The following NUP54 variants were observed in gnomAD, a reference collection of about 807,000 sequenced individuals.
NUP54 encodes the protein nucleoporin 54.
Under a neutral mutation model 66.4 loss-of-function variants are expected in NUP54, and 27 were observed. The observed-to-expected ratio is 0.41, with a 90% CI of 0.30 to 0.56. The LOEUF is 0.56. Among genes scored for constraint, NUP54 ranks in the 20% least tolerant of loss-of-function variants. NUP54 has a pLI of 0.34. For missense variants in NUP54, 486 were observed against 596.3 expected (o/e 0.82, Z 1.93); for synonymous variants, 206 against 210.7 (o/e 0.98, Z 0.19).
Position 76,130,702 on chromosome 4 carries a change from A to G in NUP54, c.1010T>C (p.Leu337Pro). 6.2e-7 allele frequency: 1 copy of G among 1,613,818 alleles called. No individual in the cohort carries two copies. Among genetic ancestry groups the G allele is most frequent in the Non-Finnish European group, 8.5e-7 (1 of 1,179,840 alleles). ...CTTAGTCATCTGATCTTGAACCTTC[A>G]GTCTTCGGAGAAGTTCCTTAAAACC... Reference protein sequence around the residue: ...MVGFKELLRRLKVQDQMTKQH... With the variant: ...MVGFKELLRRPKVQDQMTKQH... The change falls in exon 8 of 12, where the codon CTG becomes CCG. Residue 337 changes from leucine to proline, a missense_variant. By Grantham distance (98) the Leu-to-Pro change is moderately conservative. Coordinates refer to ENST00000264883, the MANE Select transcript of NUP54 (RefSeq NM_017426.4).
chr4:76,137,145 GT>G (rs1231803044), intron 3 of NUP54, among the ~76,000 whole-genome samples: 4 of 152,000 alleles, frequency 2.6e-5, no homozygotes, highest in African/African-American at 9.7e-5. Context: ...GTGCACCAAT[GT>G]GCACCTGGTT....
At chr4:76,117,818 T>G (rs1362147754) in intron 10 of NUP54, 44 bp from the exon 11 acceptor site, 1 of 1,448,400 alleles carries the variant, frequency 6.9e-7, no homozygotes. Flanking sequence ...CGACGAAGAC[T>G]TGTAAAAGAC....
chr4:76,141,754 G>C (rs948935561), intron 3 of NUP54, among the ~76,000 whole-genome samples: 22 of 148,256 alleles, frequency 1.5e-4, no homozygotes, highest in Admixed American at 8.1e-4. Context: ...TTATTTTCCT[G>C]TCTACTTAAT....
intron 8 of NUP54, among the ~76,000 whole-genome samples, chr4:76,125,655 GGAGAGAGGGGGAGAGA>G (rs1560678838): frequency 1.0e-3 from 19 of 18,144 alleles, no homozygotes; most frequent in African/African-American, 5.3e-3. Flanking sequence ...AGGGGGAGAG[GGAGAGAGGGGGAGAGA>G]GGGAGAGAGG....
In NUP54 at chr4:76,118,412, G is replaced by T. The variant is rs553482776; in HGVS notation, c.1165-218C>A. 8.0e-4 allele frequency: 377 copies of T among 472,810 alleles called. 7 individuals are homozygous for T. The highest frequency in any genetic ancestry group is 7.9e-3 in the South Asian group (367 of 46,570). 29.3% of individuals were successfully genotyped at this position (472,810 alleles called of 1,614,324 possible). On this transcript the variant is annotated intron_variant, in intron 9 of 11. Transcript: ENST00000264883. ...ACTTAATTGTTTTTTTTGAGACAGG[G>T]TCTTGCTCTGTCTCCCAGGCTGAAG... is the stretch of plus-strand genomic sequence containing the variant.
At chr4:76,135,695 T>C (rs1731010543) in intron 4 of NUP54, among the ~76,000 whole-genome samples, 1 of 152,240 alleles carries the variant, frequency 6.6e-6, no homozygotes, top group South Asian at 2.1e-4. Context: ...TGGACCTAAA[T>C]ACTCTCACTG....
intron 6 of NUP54, 112 bp downstream of exon 6, chr4:76,132,411 A>G: frequency 1.4e-6 from 1 of 721,602 alleles, no homozygotes; most frequent in Non-Finnish European, 2.2e-6. Context: ...ATATATGACA[A>G]GATGATACTA....
Position 76,124,284 on chromosome 4 carries a change from T to C in NUP54, c.1164+365A>G, listed in dbSNP as rs544465977. Among the ~76,000 whole-genome samples the C allele has an allele frequency of 1.5e-3, 227 of 152,304 alleles. 1 individual carries two copies. The highest frequency in any genetic ancestry group is 5.3e-3 in the African/African-American group (219 of 41,584). ...AAATTCTATTGTTTTTCGACCATTA[T>C]GGTTACACTCCTTTTTCTAGCACTC... On this transcript the variant is annotated intron_variant, in intron 9 of 11. Coordinates refer to ENST00000264883, the MANE Select transcript of NUP54 (RefSeq NM_017426.4).
chr4:76,137,207 T>G (rs1048087319), intron 3 of NUP54, among the ~76,000 whole-genome samples: 2 of 152,138 alleles, frequency 1.3e-5, no homozygotes, highest in African/African-American at 4.8e-5. Flanking sequence ...ATGTTTCCCA[T>G]GCTGGTCTCA....
At chr4:76,138,086 G>A (rs1731114421) in intron 3 of NUP54, among the ~76,000 whole-genome samples, 1 of 152,166 alleles carries the variant, frequency 6.6e-6, no homozygotes, top group Non-Finnish European at 1.5e-5. Flanking sequence ...GGTCCATGGA[G>A]CTTCTACAGA....
intron 8 of NUP54, among the ~76,000 whole-genome samples, chr4:76,125,620 G>T (rs939963684): frequency 2.6e-5 from 2 of 76,206 alleles, no homozygotes; most frequent in African/African-American, 1.0e-4. Context: ...GGGCAAGAGG[G>T]AGAGGGAGAG....
At chr4:76,118,838 A>C (rs1312277998) in intron 9 of NUP54, among the ~76,000 whole-genome samples, 1 of 151,972 alleles carries the variant, frequency 6.6e-6, no homozygotes, top group African/African-American at 2.4e-5. Flanking sequence ...CCCCGTCTCT[A>C]CTAAAAATAC....
At chr4:76,141,326 G>C (rs1049216664) in intron 3 of NUP54, among the ~76,000 whole-genome samples, 2 of 152,058 alleles carry the variant, frequency 1.3e-5, no homozygotes, top group African/African-American at 4.8e-5. Flanking sequence ...TCTGGAATCA[G>C]GTCTCCTAAA....
intron 3 of NUP54, among the ~76,000 whole-genome samples, chr4:76,137,694 G>A (rs1731097468): frequency 6.6e-6 from 1 of 152,100 alleles, no homozygotes; most frequent in Admixed American, 6.5e-5. Flanking sequence ...CAAGTTCTTA[G>A]GGCAGATAAA....
chr4:76,117,530 C>T (rs985877915), intron 11 of NUP54, 134 bp downstream of exon 11: 2 of 599,466 alleles, frequency 3.3e-6, no homozygotes, highest in African/African-American at 3.8e-5. Context: ...ATTTTACATT[C>T]CCCCAACAGT....
chr4:76,145,422 A>T, intron 1 of NUP54: 1 of 252,092 alleles, frequency 4.0e-6, no homozygotes, highest in Non-Finnish European at 7.4e-6. Flanking sequence ...CAAACATATC[A>T]CATTGGCAGA....
intron 11 of NUP54, among the ~76,000 whole-genome samples, chr4:76,116,966 T>G (rs1348473949): frequency 6.6e-6 from 1 of 152,206 alleles, no homozygotes; most frequent in Non-Finnish European, 1.5e-5. Flanking sequence ...TATTTTTAAG[T>G]ATACAGTTCA....
chr4:76,125,189 G>A (rs1055380589), intron 8 of NUP54, among the ~76,000 whole-genome samples: 2 of 152,034 alleles, frequency 1.3e-5, no homozygotes, highest in African/African-American at 2.4e-5. Context: ...TACTTGGAAG[G>A]CTGATGCAGG....
chr4:76,140,406 C>G (rs1412857698), intron 3 of NUP54, among the ~76,000 whole-genome samples: 1 of 143,810 alleles, frequency 7.0e-6, no homozygotes, highest in Non-Finnish European at 1.6e-5. Flanking sequence ...ATGTCTCAGC[C>G]TCCCGAGTAA....
Sources: allele counts gnomAD v4.1 joint callset (sites outside exome capture counted in the v4.1 genomes callset), GRCh38; gene constraint gnomAD v4.1.1; transcripts MANE v1.5; gene names NCBI Gene and HGNC (gene_info 2026-07-23, HGNC 2026-07-21).